The following TTYH2 variants were observed in gnomAD, a reference collection of about 807,000 sequenced individuals.
TTYH2 encodes the protein protein tweety homolog 2.
In TTYH2, 49 loss-of-function variants were observed where a neutral mutation model predicts 68.3. The ratio of observed to expected loss-of-function variants is 0.72; its 90% CI spans 0.57 to 0.91. TTYH2 has a LOEUF of 0.91. Ranked by LOEUF, TTYH2 falls within the 40% of genes least tolerant of loss-of-function variation. The pLI, the probability that TTYH2 is intolerant of heterozygous loss-of-function variation, is 0.00. For synonymous variants in TTYH2, 272 were observed against 300.8 expected (o/e 0.90, Z 0.99); for missense variants, 631 against 700.4 (o/e 0.90, Z 1.12).
intron 12 of TTYH2, 33 bp from the exon 13 acceptor site, chr17:74,253,722 A>T (rs774875692): frequency 6.2e-7 from 1 of 1,609,146 alleles, no homozygotes; most frequent in East Asian, 2.2e-5. Flanking sequence ...CTCCCACACC[A>T]TCCCCTCCTG....
chr17:74,220,367 A>C (rs1356879920), intron 1 of TTYH2, among the ~76,000 whole-genome samples: 3 of 152,234 alleles, frequency 2.0e-5, no homozygotes, highest in Non-Finnish European at 4.4e-5. Context: ...CCCAGACTTT[A>C]ATGGAATATA....
rs1370717567 is a variant in TTYH2 at position 74,253,148 on chromosome 17, C to G, written c.1327C>G (p.His443Asp). The stretch of plus-strand genomic sequence containing the variant: ...CCCCCAAGCCTGGCGCATGGCGGCT[C>G]ACAGTCCCCCGAGGGGACAGCTTCA... ...FNPQAWRMAA[H>D]SPPRGQLHSF... Residue 443 changes from histidine to aspartate, a missense_variant, in exon 12 of 14, where the codon CAC (histidine) becomes GAC (aspartate). Transcript: ENST00000269346. 6.2e-7 allele frequency: 1 copy of G among 1,613,986 alleles called. No homozygotes were observed. The highest frequency in any genetic ancestry group is 1.3e-5 in the African/African-American group (1 of 75,036).
rs1182334867 is a variant in TTYH2 at position 74,222,387 on chromosome 17, G to A, written c.130-98G>A. The A allele has an allele frequency of 7.3e-6, 10 of 1,366,730 alleles. No individual in the cohort carries two copies. The highest frequency in any genetic ancestry group is 1.4e-5 in the South Asian group (1 of 71,012). The allele number at this position is 1,366,730 out of a possible 1,614,324, so 84.7% of individuals were successfully genotyped here. A position where few individuals can be genotyped will look rare whatever the true frequency, so the allele number is the denominator to read the frequency against. On this transcript the variant is annotated intron_variant, in intron 1 of 13. Coordinates refer to ENST00000269346, the MANE Select transcript of TTYH2 (RefSeq NM_032646.6). This position sits in a 1 kb window ranked among gnomAD's most constrained non-coding sequence, Gnocchi z 5.2. ...CTTGGAAGGATGGACGAGAGATGCAGCTCAGGCAGTGGGGCACTCAGGGCC... is the reference window on the plus strand; with the variant it reads ...CTTGGAAGGATGGACGAGAGATGCAACTCAGGCAGTGGGGCACTCAGGGCC...
At chr17:74,228,133 G>A (rs2050350967) in intron 2 of TTYH2, among the ~76,000 whole-genome samples, 1 of 151,870 alleles carries the variant, frequency 6.6e-6, no homozygotes, top group African/African-American at 2.4e-5. Context: ...ACAGGCATGC[G>A]CCACCACGCC....
At chr17:74,258,938 C>T (rs548480986) in intron 13 of TTYH2, among the ~76,000 whole-genome samples, 83 of 152,200 alleles carry the variant, frequency 5.5e-4, no homozygotes, top group Non-Finnish European at 1.0e-3. Context: ...ATGGCCTGGA[C>T]CCCTGAAGCT....
chr17:74,248,950 C>A, intron 6 of TTYH2, 61 bp from the exon 7 acceptor site: 1 of 1,610,642 alleles, frequency 6.2e-7, no homozygotes, highest in South Asian at 1.1e-5. Flanking sequence ...CGGCTCCTCC[C>A]AGGGCCCCGC....
intron 10 of TTYH2, 54 bp from the exon 11 acceptor site, chr17:74,252,180 C>G: frequency 1.2e-6 from 2 of 1,601,994 alleles, no homozygotes; most frequent in South Asian, 1.1e-5. Context: ...GAGCTCGGCC[C>G]GCAGGCTTTG....
rs953425118 is a variant in TTYH2 at position 74,217,215 on chromosome 17, A to C, written c.129+3499A>C. Among the ~76,000 whole-genome samples the C allele has an allele frequency of 2.0e-5, 3 of 152,384 alleles. No homozygotes were observed. The highest frequency in any genetic ancestry group is 3.9e-4 in the East Asian group (2 of 5,192). On this transcript the variant is annotated intron_variant, in intron 1 of 13. Coordinates refer to ENST00000269346, the MANE Select transcript of TTYH2 (RefSeq NM_032646.6). The surrounding 1 kb of genome is among the most constrained non-coding windows in gnomAD (Gnocchi z 4.0). ...GCAAATGTTAGTTATTGCTACTGTC[A>C]ACAGGCAGGTGGCCACATGTGTGCT...
At chr17:74,253,884 C>T in intron 13 of TTYH2, 51 bp downstream of exon 13, 1 of 1,570,772 alleles carries the variant, frequency 6.4e-7, no homozygotes, top group East Asian at 2.2e-5. Context: ...AAAGACAAAA[C>T]CTCCTGCCAA....
At chr17:74,250,384 G>A in intron 10 of TTYH2, 27 bp downstream of exon 10, 1 of 1,596,288 alleles carries the variant, frequency 6.3e-7, no homozygotes, top group East Asian at 2.2e-5. Context: ...GGGTCACGTG[G>A]AGAGTGTGAG....
At chr17:74,226,086 G>A (rs1567811684) in intron 2 of TTYH2, among the ~76,000 whole-genome samples, 1 of 152,226 alleles carries the variant, frequency 6.6e-6, no homozygotes, top group South Asian at 2.1e-4. Context: ...CCAAGGCAAG[G>A]GACATTGGCA....
intron 1 of TTYH2, among the ~76,000 whole-genome samples, chr17:74,216,116 G>A (rs529818733): frequency 6.6e-6 from 1 of 152,344 alleles, no homozygotes; most frequent in African/African-American, 2.4e-5. Flanking sequence ...GAGTCCCATA[G>A]CACATAACAG....
chr17:74,216,168 T>G (rs953820794), intron 1 of TTYH2, among the ~76,000 whole-genome samples: 2 of 152,200 alleles, frequency 1.3e-5, no homozygotes, highest in Non-Finnish European at 2.9e-5. Flanking sequence ...GCTGAGAGGT[T>G]CAGGAGTGTG....
chr17:74,250,519 G>A (rs2050612477), intron 10 of TTYH2, 162 bp downstream of exon 10: 2 of 626,200 alleles, frequency 3.2e-6, no homozygotes, highest in Non-Finnish European at 2.8e-6. Context: ...GGGGTGCCTG[G>A]CTTCTCCAGG....
intron 4 of TTYH2, chr17:74,240,897 T>C (rs1252034568): frequency 2.0e-5 from 3 of 152,090 alleles, no homozygotes; most frequent in Non-Finnish European, 4.4e-5. Flanking sequence ...GCAGGGAAAA[T>C]ACATTGAATC....
At chr17:74,228,999 G>A (rs765804675) in intron 2 of TTYH2, among the ~76,000 whole-genome samples, 3 of 152,284 alleles carry the variant, frequency 2.0e-5, no homozygotes, top group Admixed American at 1.3e-4. Context: ...GTGCAGAACT[G>A]GAAACTTCTT....
intron 6 of TTYH2, 197 bp from the exon 7 acceptor site, chr17:74,248,814 A>T: frequency 7.0e-7 from 1 of 1,424,434 alleles, no homozygotes; most frequent in Non-Finnish European, 9.2e-7. Flanking sequence ...GCACAGGAAG[A>T]ATAAGTAACT....
intron 7 of TTYH2, 121 bp from the exon 8 acceptor site, chr17:74,249,223 T>C: frequency 6.4e-7 from 1 of 1,558,928 alleles, no homozygotes; most frequent in Non-Finnish European, 8.8e-7. Context: ...GGCCATTTCC[T>C]AGAAAGTGCC....
chr17:74,257,951 C>T (rs992983753), intron 13 of TTYH2, among the ~76,000 whole-genome samples: 2 of 151,928 alleles, frequency 1.3e-5, no homozygotes, highest in Non-Finnish European at 2.9e-5. Flanking sequence ...GCCAGGAGCT[C>T]GAGACCAGCC....
Sources: gnomAD v4.1 joint callset for allele counts (sites outside exome capture counted in the v4.1 genomes callset) on GRCh38, gnomAD v4.1.1 for gene constraint, Gnocchi (gnomAD v3.1) non-coding constraint, MANE v1.5 for transcripts, NCBI Gene and HGNC (gene_info 2026-07-23, HGNC 2026-07-21) for gene names.